LIPI: variants seen among roughly 807,000 people sequenced by gnomAD.
LIPI encodes the protein lipase member I.
A neutral mutation model predicts 50.6 loss-of-function variants in LIPI; 59 were observed. That is an observed-to-expected ratio of 1.16 (90% CI 0.94 to 1.45). The LOEUF is 1.45. Among genes scored for constraint, LIPI ranks in the 40% most tolerant of loss-of-function variants. The pLI is 0.00. For synonymous variants in LIPI, 203 were observed against 178.2 expected, an observed-to-expected ratio of 1.14 and a Z score of -1.11; for missense variants, 586 against 536.3, an observed-to-expected ratio of 1.09 and a Z score of -0.92.
At chr21:14,146,214 A>C (rs950984976) in intron 8 of LIPI, among the ~76,000 whole-genome samples, 2 of 151,906 alleles carry the variant, frequency 1.3e-5, no homozygotes, top group African/African-American at 4.8e-5. Context: ...GTCCATGTGG[A>C]TATCTTAAGG....
At chr21:14,183,303 A>C (rs1202481328) in intron 3 of LIPI, among the ~76,000 whole-genome samples, 2 of 152,204 alleles carry the variant, frequency 1.3e-5, no homozygotes, top group Non-Finnish European at 2.9e-5. Flanking sequence ...TCCCTTCCTT[A>C]CACCTTATAC....
At chr21:14,171,367 T>C (rs1461467392) in intron 4 of LIPI, among the ~76,000 whole-genome samples, 2 of 148,826 alleles carry the variant, frequency 1.3e-5, no homozygotes, top group Middle Eastern at 3.4e-3. Flanking sequence ...AAAAACTACT[T>C]TAAAGTTCAT....
intron 1 of LIPI, among the ~76,000 whole-genome samples, chr21:14,196,126 G>T (rs1367569151): frequency 7.3e-5 from 10 of 136,654 alleles, no homozygotes; most frequent in African/African-American, 1.9e-4. Flanking sequence ...AGTTCGTAGC[G>T]TTTTTTTTTT....
intron 3 of LIPI, among the ~76,000 whole-genome samples, chr21:14,182,089 T>C (rs530222937): frequency 6.6e-6 from 1 of 152,194 alleles, no homozygotes; most frequent in Non-Finnish European, 1.5e-5. Flanking sequence ...CAACAAAATA[T>C]TGTCGGAATT....
chr21:14,170,680 A>T (rs2018864950), intron 4 of LIPI, among the ~76,000 whole-genome samples: 1 of 152,030 alleles, frequency 6.6e-6, no homozygotes, highest in Non-Finnish European at 1.5e-5. Context: ...CATGCTAAAA[A>T]CTCTCAATAA....
At chr21:14,205,491 C>T (rs2020199373) in intron 1 of LIPI, among the ~76,000 whole-genome samples, 1 of 151,700 alleles carries the variant, frequency 6.6e-6, no homozygotes, top group African/African-American at 2.4e-5. Context: ...TCATTTTATC[C>T]ATGATATAGC....
chr21:14,208,515 G>GT (rs777366409), intron 1 of LIPI, among the ~76,000 whole-genome samples: 3 of 152,256 alleles, frequency 2.0e-5, no homozygotes, highest in East Asian at 3.9e-4. Flanking sequence ...AGCTAAGAAT[G>GT]TTTTTTACAT....
At chr21:14,136,884 C>G (rs543823487) in intron 9 of LIPI, among the ~76,000 whole-genome samples, 1 of 152,166 alleles carries the variant, frequency 6.6e-6, no homozygotes, top group Non-Finnish European at 1.5e-5. Context: ...CAGAGAGACT[C>G]TATATGTATG....
Position 14,188,216 on chromosome 21 carries a change from T to C in LIPI, c.432+818A>G, listed in dbSNP as rs370315067. Among the ~76,000 whole-genome samples the C allele has an allele frequency of 1.4e-4, 22 of 152,340 alleles. 2 individuals carry two copies. In the Middle Eastern group the frequency reaches 0.02, roughly 141 times the overall value. On this transcript the variant is annotated intron_variant, in intron 2 of 9. Transcript: ENST00000681601. ...ACATAGAACTGGACTGAATTTTATT[T>C]GATCCATTCAAATCCTGAGCAGACT...
intron 7 of LIPI, among the ~76,000 whole-genome samples, chr21:14,162,367 T>G (rs2018529496): frequency 6.6e-6 from 1 of 151,688 alleles, no homozygotes; most frequent in Non-Finnish European, 1.5e-5. Flanking sequence ...GGTGATGAAC[T>G]GTTCAGCAGC....
intron 5 of LIPI, among the ~76,000 whole-genome samples, chr21:14,166,061 T>C (rs185364900): frequency 3.1e-3 from 476 of 152,312 alleles, no homozygotes; most frequent in Middle Eastern, 0.01. Flanking sequence ...TATTATATGA[T>C]ACTTGAGCTA....
Position 14,140,517 on chromosome 21 carries a change from C to T in LIPI, c.1295+4106G>A, listed in dbSNP as rs570583054. On this transcript the variant is annotated intron_variant, in intron 9 of 9. Coordinates refer to ENST00000681601, the MANE Select transcript of LIPI (RefSeq NM_001302998.2). Reference sequence around the variant, plus strand: ...TTAATTTTGTATATTTGTAGGCAACCGTAATATTTTTCTTTCAGTTTCCTG... The same window carrying T: ...TTAATTTTGTATATTTGTAGGCAACTGTAATATTTTTCTTTCAGTTTCCTG... 8.6e-5 allele frequency among the ~76,000 whole-genome samples: 13 copies of T among 151,950 alleles called. No homozygotes were observed. In the East Asian group the frequency reaches 1.2e-3, roughly 14 times the overall value.
intron 9 of LIPI, among the ~76,000 whole-genome samples, chr21:14,110,080 T>C (rs2016341057): frequency 6.8e-6 from 1 of 146,812 alleles, no homozygotes; most frequent in African/African-American, 2.5e-5. Context: ...TTACCAAAAA[T>C]GAACACATTA....
At chr21:14,201,462 G>A (rs2020049723) in intron 1 of LIPI, among the ~76,000 whole-genome samples, 1 of 151,526 alleles carries the variant, frequency 6.6e-6, no homozygotes, top group South Asian at 2.1e-4. Flanking sequence ...CAAATGACAT[G>A]AGCACATCAA....
Position 14,144,654 on chromosome 21 carries a change from G to T in LIPI, c.1264C>A (p.Leu422Ile), listed in dbSNP as rs1378936278. ...CSTCTYKIQSLMLKSLTYPER... is the reference protein window; with the variant it reads ...CSTCTYKIQSIMLKSLTYPER... ...GGGTATGTAAGTGATTTTAACATGA[G>T]ACTCTGGATCTTGTATGTGCATGTG... The change falls in exon 9 of 10, where the codon CTC (leucine) becomes ATC (isoleucine). Residue 422 changes from leucine to isoleucine, a missense_variant. By Grantham distance (5) the Leu-to-Ile change is conservative. Coordinates refer to ENST00000681601, the MANE Select transcript of LIPI (RefSeq NM_001302998.2). 1.3e-6 allele frequency: 2 copies of T among 1,574,516 alleles called. No individual in the cohort carries two copies. Among genetic ancestry groups the T allele is most frequent in the Non-Finnish European group, 1.7e-6 (2 of 1,146,102 alleles).
chr21:14,186,915 T>G (rs1743599206), intron 2 of LIPI, among the ~76,000 whole-genome samples: 1 of 152,140 alleles, frequency 6.6e-6, no homozygotes, highest in African/African-American at 2.4e-5. Context: ...GAGAAATAAA[T>G]GTTTCTTGTT....
At chr21:14,201,242 A>T (rs1246977929) in intron 1 of LIPI, among the ~76,000 whole-genome samples, 2 of 152,156 alleles carry the variant, frequency 1.3e-5, no homozygotes, top group African/African-American at 2.4e-5. Flanking sequence ...AATTGCAACT[A>T]AAACAAAAAT....
rs893023797 is a variant in LIPI at position 14,124,851 on chromosome 21, C to T, written c.1296-15771G>A. On this transcript the variant is annotated intron_variant, in intron 9 of 9. Transcript: ENST00000681601. ...GCTAAAAATACAAAAATTAGCCAGG[C>T]GTGGTGGCACGCACATGCCTGTAAT... Among the ~76,000 whole-genome samples, 46 of 152,098 alleles carry T rather than the reference C, an allele frequency of 3.0e-4. 1 individual carries two copies. Among genetic ancestry groups the T allele is most frequent in the African/African-American group, 4.8e-5 (2 of 41,404 alleles).
At chr21:14,111,889 G>T (rs1322893064) in intron 9 of LIPI, among the ~76,000 whole-genome samples, 2 of 151,942 alleles carry the variant, frequency 1.3e-5, no homozygotes, top group Non-Finnish European at 2.9e-5. Flanking sequence ...ACATGTGCAG[G>T]TTTGTTACAA....
Sources: gnomAD v4.1 joint callset for allele counts (sites outside exome capture counted in the v4.1 genomes callset) on GRCh38, gnomAD v4.1.1 for gene constraint, MANE v1.5 for transcripts, NCBI Gene and HGNC (gene_info 2026-07-23, HGNC 2026-07-21) for gene names.